RPL11: variants seen among roughly 807,000 people sequenced by gnomAD.
RPL11 encodes the protein large ribosomal subunit protein uL5.
In RPL11, 3 loss-of-function variants were observed where a neutral mutation model predicts 24.1. That is an observed-to-expected ratio of 0.12 (90% confidence interval 0.06 to 0.32). The LOEUF (loss-of-function observed/expected upper bound fraction) is 0.32, where lower values mean the gene tolerates loss of function less well. Ranked by LOEUF, RPL11 falls within the 10% of genes least tolerant of loss-of-function variation. The probability of loss-of-function intolerance (pLI) is 1.00; values close to 1 mark genes in which losing one functional copy is unlikely to be tolerated. For synonymous variants in RPL11, 96 were observed against 75.7 expected (o/e 1.27, Z -1.39); for missense variants, 146 against 225.7 (o/e 0.65, Z 2.26).
intron 5 of RPL11, 143 bp from the exon 6 acceptor site, chr1:23,696,201 A>G: frequency 1.2e-6 from 1 of 845,356 alleles, no homozygotes; most frequent in East Asian, 2.6e-5. Context: ...AAAACCAGCC[A>G]GCTTCCTATT....
At chr1:23,692,820 T>C in intron 2 of RPL11, 61 bp downstream of exon 2, 1 of 1,604,498 alleles carries the variant, frequency 6.2e-7, no homozygotes. Flanking sequence ...GTTTCTTGAT[T>C]TACCTGCTGT....
At chr1:23,693,192 G>A (rs1018659061) in intron 2 of RPL11, among the ~76,000 whole-genome samples, 12 of 152,178 alleles carry the variant, frequency 7.9e-5, no homozygotes, top group African/African-American at 2.9e-4. Flanking sequence ...TATACAGATT[G>A]CCTGGGTTTG....
rs1804294 is a variant in RPL11, at chr1:23,692,677, T to C, written c.75T>C (p.Cys25=). ...TCCGCAAACTCTGTCTCAACATCTGTGTTGGGGAGAGTGGAGACAGACTGA... is the reference window on the plus strand; with the variant it reads ...TCCGCAAACTCTGTCTCAACATCTGCGTTGGGGAGAGTGGAGACAGACTGA... ...LRIRKLCLNI[C]VGESGDRLTR... The change falls in exon 2 of 6, where the codon TGT becomes TGC. Residue 25 remains cysteine (C), a synonymous_variant. Coordinates refer to ENST00000643754, the MANE Select transcript of RPL11 (RefSeq NM_000975.5). The C allele has an allele frequency of 4.3e-6, 7 of 1,613,756 alleles. No individual in the cohort carries two copies. The Admixed American group carries it at 1.0e-4, about 23-fold the overall frequency.
chr1:23,691,994 C>T (rs1644502658), intron 1 of RPL11, 165 bp downstream of exon 1: 1 of 933,508 alleles, frequency 1.1e-6, no homozygotes, highest in East Asian at 2.4e-5. Flanking sequence ...GGGTTGAATT[C>T]TGTCACTTTC....
Position 23,692,609 on chromosome 1 carries a change from C to G in RPL11, c.7C>G (p.Gln3Glu), listed in dbSNP as rs1176216952. ...TGACTGCTGCTCTTCCCTGTTGCAG[C>G]AGGATCAAGGTGAAAAGGAGAACCC... MA[Q>E]DQGEKENPMR... is the part of the protein sequence containing the mutation. Residue 3 changes from glutamine to glutamate, a missense_variant and splice_region_variant, in exon 2 of 6, where the codon CAG (glutamine) becomes GAG (glutamate). Coordinates refer to ENST00000643754, the MANE Select transcript of RPL11 (RefSeq NM_000975.5). The G allele has an allele frequency of 9.9e-6, 16 of 1,614,154 alleles. No individual in the cohort carries two copies. Among genetic ancestry groups the G allele is most frequent in the Non-Finnish European group, 1.3e-5 (15 of 1,180,034 alleles).
intron 1 of RPL11, chr1:23,692,371 C>G: frequency 3.8e-6 from 2 of 526,578 alleles, no homozygotes; most frequent in Non-Finnish European, 3.4e-6. Context: ...GTGTCCGTAT[C>G]TTTTAACACT....
intron 1 of RPL11, 48 bp downstream of exon 1, chr1:23,691,877 A>G (rs1423006602): frequency 1.2e-6 from 2 of 1,613,944 alleles, no homozygotes; most frequent in East Asian, 2.2e-5. Context: ...GTCGCCATCC[A>G]TGGCAGGCCG....
intron 1 of RPL11, 167 bp from the exon 2 acceptor site, chr1:23,692,442 A>G: frequency 1.3e-6 from 1 of 769,704 alleles, no homozygotes; most frequent in Non-Finnish European, 2.1e-6. Flanking sequence ...ATAGGTTCCG[A>G]GCTGTCTTCT....
At chr1:23,694,960 G>A (rs1644524679) in intron 4 of RPL11, 169 bp downstream of exon 4, 3 of 999,616 alleles carry the variant, frequency 3.0e-6, no homozygotes, top group African/African-American at 1.6e-5. Flanking sequence ...AAATGTAGGG[G>A]TGCAGCTCTG....
intron 1 of RPL11, chr1:23,692,279 C>G (rs944309523): frequency 3.5e-5 from 15 of 423,256 alleles, no homozygotes; most frequent in South Asian, 3.1e-4. Context: ...CAATTAAGTT[C>G]TGTTTCTTCG....
rs1553121994 is a variant in RPL11 at position 23,696,430 on chromosome 1, GT to G, written c.*59del. On this transcript the variant is annotated 3_prime_UTR_variant, in exon 6 of 6. Transcript: ENST00000643754. ...AGTTTTCAGTGAAATGTGCAATTCT[GT>G]TGTGTGTTCTGTGAAAGGATCCTGG... 1.1e-5 allele frequency: 17 copies of G among 1,551,062 alleles called. No homozygotes were observed. Among genetic ancestry groups the G allele is most frequent in the Admixed American group, 1.7e-5 (1 of 59,682 alleles).
At position 23,695,335 on chromosome 1, in the gene RPL11, G is replaced by C. The variant is rs1644526999; in HGVS notation, c.397-463G>C. On this transcript the variant is annotated intron_variant, in intron 4 of 5. Transcript: ENST00000643754. ...CTGAAAGATGGTGGCACCCTCATTA[G>C]ACAGACAAGTAATAAGACTTGGATA... 2.5e-5 allele frequency: 7 copies of C among 277,422 alleles called. No individual in the cohort carries two copies. The South Asian group carries it at 2.9e-4, about 11-fold the overall frequency. The allele number at this position is 277,422 out of a possible 1,614,324, so 17.2% of individuals were successfully genotyped here.
intron 2 of RPL11, 146 bp downstream of exon 2, chr1:23,692,905 T>C (rs1406289327): frequency 1.1e-6 from 1 of 944,484 alleles, no homozygotes; most frequent in Non-Finnish European, 1.6e-6. Context: ...GGTGTCTTTT[T>C]TTTTTTTTTT....
At chr1:23,693,700 G>A in intron 2 of RPL11, 107 bp from the exon 3 acceptor site, 2 of 766,126 alleles carry the variant, frequency 2.6e-6, no homozygotes, top group Non-Finnish European at 4.7e-6. Context: ...AAAGAGTGTG[G>A]ATGAATGCTT....
intron 3 of RPL11, 114 bp downstream of exon 3, chr1:23,694,027 C>T: frequency 1.2e-6 from 1 of 840,584 alleles, no homozygotes; most frequent in South Asian, 1.4e-5. Context: ...TTTACTTAAG[C>T]TTCTAAAAGG....
intron 2 of RPL11, 119 bp from the exon 3 acceptor site, chr1:23,693,688 T>TA: frequency 1.4e-6 from 1 of 732,264 alleles, no homozygotes; most frequent in South Asian, 1.5e-5. Flanking sequence ...CACCACAACT[T>TA]AAAAGAGTGT....
At position 23,694,699 on chromosome 1, in the gene RPL11, A is replaced by G; in HGVS notation, c.304A>G (p.Thr102Ala). The change falls in exon 4 of 6, where the codon ACT becomes GCT. Residue 102 changes from threonine (T) to alanine (A), a missense_variant. Transcript: ENST00000643754. ...YELRKNNFSD[T>A]GNFGFGIQEH... ...GTTAAGAAAAAACAACTTCTCAGAT[A>G]CTGGAAACTTTGGTTTTGGGATCCA... 4 of 1,614,096 alleles carry G rather than the reference A, an allele frequency of 2.5e-6. No individual in the cohort carries two copies. The highest frequency in any genetic ancestry group is 2.2e-5 in the East Asian group (1 of 44,884).
chr1:23,692,551 A>G, intron 1 of RPL11, 58 bp from the exon 2 acceptor site: 1 of 1,605,742 alleles, frequency 6.2e-7, no homozygotes. Flanking sequence ...GATAGAAAGT[A>G]GTAAAACTCA....
In RPL11 at chr1:23,692,674, C is replaced by T. The variant is rs781675016; in HGVS notation, c.72C>T (p.Ile24=). Residue 24 remains isoleucine (I), a synonymous_variant, in exon 2 of 6, where the codon ATC becomes ATT. Transcript: ENST00000643754. ...ELRIRKLCLN[I]CVGESGDRLT... is the part of the protein sequence containing the mutation. ...GCATCCGCAAACTCTGTCTCAACAT[C>T]TGTGTTGGGGAGAGTGGAGACAGAC... 2.5e-6 allele frequency: 4 copies of T among 1,614,156 alleles called. No homozygotes were observed. The highest frequency in any genetic ancestry group is 3.4e-6 in the Non-Finnish European group (4 of 1,180,030).
Sources: gnomAD v4.1 joint callset for allele counts (sites outside exome capture counted in the v4.1 genomes callset) on GRCh38, gnomAD v4.1.1 for gene constraint, MANE v1.5 for transcripts, NCBI Gene and HGNC (gene_info 2026-07-23, HGNC 2026-07-21) for gene names.